Variants in SERGEF observed in about 807,000 individuals in gnomAD.
The protein encoded by SERGEF is secretion regulating guanine nucleotide exchange factor.
In SERGEF, 51 loss-of-function variants were observed where a neutral mutation model predicts 50.0. The observed-to-expected ratio is 1.02, with a 90% confidence interval of 0.81 to 1.29. The LOEUF is 1.29. SERGEF is among the 50% of genes most tolerant of loss of function. The pLI, the probability that SERGEF is intolerant of heterozygous loss-of-function variation, is 0.00. For synonymous variants in SERGEF, 205 were observed against 212.4 expected, an observed-to-expected ratio of 0.97 and a Z score of 0.30; for missense variants, 521 against 557.0, an observed-to-expected ratio of 0.94 and a Z score of 0.65.
At chr11:17,953,084 C>A (rs1379794113) in intron 9 of SERGEF, among the ~76,000 whole-genome samples, 1 of 148,908 alleles carries the variant, frequency 6.7e-6, no homozygotes, top group Admixed American at 6.8e-5. Context: ...CACCCCCACC[C>A]AGCAGAACCC....
intron 8 of SERGEF, among the ~76,000 whole-genome samples, chr11:17,969,354 CTTA>C (rs1487237449): frequency 2.0e-5 from 3 of 152,158 alleles, no homozygotes; most frequent in Non-Finnish European, 4.4e-5. Context: ...GTTTTAGATT[CTTA>C]TTAATAACAT....
chr11:17,926,154 C>A (rs1044200069), intron 9 of SERGEF, among the ~76,000 whole-genome samples: 3 of 151,586 alleles, frequency 2.0e-5, no homozygotes, highest in African/African-American at 7.2e-5. Flanking sequence ...GGTCTCAAGC[C>A]AACCTCTCAT....
rs1408639448 is a variant in SERGEF, at chr11:17,788,237, C to A, written c.1225G>T (p.Val409Phe). ...LCQLPAHPAL[V>F]QDPKVTYLSP... ...AGGTAGGTGACCTTGGGGTCCTGGA[C>A]CAATGCAGGGTGAGCTGGCAGCTGG... Residue 409 changes from valine to phenylalanine, a missense_variant, in exon 11 of 11, where the codon GTC becomes TTC. Coordinates refer to ENST00000265965, the MANE Select transcript of SERGEF (RefSeq NM_012139.4). 1.2e-6 allele frequency: 2 copies of A among 1,613,776 alleles called. No individual in the cohort carries two copies. Among genetic ancestry groups the A allele is most frequent in the East Asian group, 2.2e-5 (1 of 44,858 alleles).
intron 9 of SERGEF, among the ~76,000 whole-genome samples, chr11:17,946,715 C>T (rs939292280): frequency 2.0e-5 from 3 of 152,136 alleles, no homozygotes; most frequent in African/African-American, 4.8e-5. Context: ...GTGTTCTCAC[C>T]CTAAAATAGG....
At chr11:17,881,608 A>C (rs1439017694) in intron 9 of SERGEF, among the ~76,000 whole-genome samples, 1 of 152,224 alleles carries the variant, frequency 6.6e-6, no homozygotes, top group Non-Finnish European at 1.5e-5. Flanking sequence ...AATGCGCCCA[A>C]GAGAAAGAGA....
chr11:17,970,256 T>C (rs1191153907), intron 8 of SERGEF, among the ~76,000 whole-genome samples: 1 of 152,208 alleles, frequency 6.6e-6, no homozygotes, highest in Non-Finnish European at 1.5e-5. Context: ...CTTTTCATTG[T>C]TATTATTACA....
intron 10 of SERGEF, among the ~76,000 whole-genome samples, chr11:17,849,973 C>A (rs979537969): frequency 6.6e-6 from 1 of 152,048 alleles, no homozygotes; most frequent in Non-Finnish European, 1.5e-5. Context: ...TAACCGAATA[C>A]CACAGGCTGG....
At chr11:17,962,114 A>G (rs942648759) in intron 8 of SERGEF, among the ~76,000 whole-genome samples, 4 of 152,226 alleles carry the variant, frequency 2.6e-5, no homozygotes, top group Admixed American at 1.3e-4. Context: ...GGTATCTCCA[A>G]TGATTGCACA....
chr11:17,962,940 G>T (rs574511439), intron 8 of SERGEF, among the ~76,000 whole-genome samples: 1 of 152,092 alleles, frequency 6.6e-6, no homozygotes. Context: ...CCAGCACTTT[G>T]GGAGGCCAAG....
intron 9 of SERGEF, among the ~76,000 whole-genome samples, chr11:17,914,697 C>G (rs926639526): frequency 6.6e-6 from 1 of 152,204 alleles, no homozygotes; most frequent in South Asian, 2.1e-4. Flanking sequence ...AGAGATCTCT[C>G]CTCTCACTGA....
At chr11:17,846,898 C>A in intron 10 of SERGEF, 1 of 380,510 alleles carries the variant, frequency 2.6e-6, no homozygotes, top group Non-Finnish European at 5.3e-6. Flanking sequence ...AAGACTAGGG[C>A]CCAAGACCTT....
intron 10 of SERGEF, among the ~76,000 whole-genome samples, chr11:17,852,465 T>G (rs1305599101): frequency 6.6e-6 from 1 of 152,182 alleles, no homozygotes. Flanking sequence ...TGGTTATAGC[T>G]TCAGCAGCTG....
rs140148738 is a variant in SERGEF, at chr11:17,906,666, C to T, written c.1012-28422G>A. The stretch of plus-strand genomic sequence containing the variant: ...TCTCCCCAATCTCTATTTAGCTGTT[C>T]GCTAGTGATGCTCCTGGCATGCCAA... On this transcript the variant is annotated intron_variant, in intron 9 of 10. Transcript: ENST00000265965. Among the ~76,000 whole-genome samples, 11 of 152,196 alleles carry T rather than the reference C, an allele frequency of 7.2e-5. No individual in the cohort carries two copies. The East Asian group carries it at 1.9e-3, about 27-fold the overall frequency.
At chr11:17,885,517 G>C (rs1851413746) in intron 9 of SERGEF, among the ~76,000 whole-genome samples, 1 of 151,788 alleles carries the variant, frequency 6.6e-6, no homozygotes, top group South Asian at 2.1e-4. Context: ...GTAGGAACAG[G>C]ATCTCATCAT....
Position 18,007,970 on chromosome 11 carries a change from C to A in SERGEF, c.167G>T (p.Gly56Val). ...GACAACTGCAGAGTGGCCCCCTCCT[C>A]CTGTGATCCTCCTGACACTCCTGGG... ...CKPRSVRRIT[G>V]GGGHSAVVTD... Residue 56 changes from glycine to valine, a missense_variant, in exon 2 of 11, where the codon GGA becomes GTA. By Grantham distance (109) the Gly-to-Val change is moderately radical. Coordinates refer to ENST00000265965, the MANE Select transcript of SERGEF (RefSeq NM_012139.4). 2 of 1,614,042 alleles carry A rather than the reference C, an allele frequency of 1.2e-6. No individual in the cohort carries two copies. Among genetic ancestry groups the A allele is most frequent in the Non-Finnish European group, 1.7e-6 (2 of 1,179,896 alleles).
At chr11:17,821,061 G>A (rs1403090705) in intron 10 of SERGEF, among the ~76,000 whole-genome samples, 4 of 152,184 alleles carry the variant, frequency 2.6e-5, no homozygotes, top group Admixed American at 6.5e-5. Flanking sequence ...AGAAGGCCAC[G>A]TGAAGACAGA....
intron 10 of SERGEF, among the ~76,000 whole-genome samples, chr11:17,835,730 A>AT (rs1393856330): frequency 1.3e-5 from 2 of 152,280 alleles, no homozygotes; most frequent in African/African-American, 4.8e-5. Context: ...GATTTAATTT[A>AT]TTTTTTTCCT....
intron 10 of SERGEF, among the ~76,000 whole-genome samples, chr11:17,793,572 C>CATG (rs1849521484): frequency 6.6e-6 from 1 of 152,208 alleles, no homozygotes; most frequent in Admixed American, 6.5e-5. Flanking sequence ...TACAGAAAGC[C>CATG]TCTCCCTAAG....
At chr11:17,933,686 AACT>A (rs2133949715) in intron 9 of SERGEF, among the ~76,000 whole-genome samples, 1 of 151,476 alleles carries the variant, frequency 6.6e-6, no homozygotes, top group Admixed American at 6.6e-5. Context: ...TTGAAGAACA[AACT>A]ACTTGTAAAA....
Sources: allele counts gnomAD v4.1 joint callset (sites outside exome capture counted in the v4.1 genomes callset), GRCh38; gene constraint gnomAD v4.1.1; transcripts MANE v1.5; gene names NCBI Gene and HGNC (gene_info 2026-07-23, HGNC 2026-07-21).